ABCB6: variants seen among roughly 807,000 people sequenced by gnomAD.
ABCB6 encodes the protein ATP binding cassette subfamily B member 6 (LAN blood group), also known as ATP-binding cassette sub-family B member 6.
In ABCB6, 87 loss-of-function variants were observed where a neutral mutation model predicts 99.4. That is an observed-to-expected ratio of 0.88 (90% CI 0.74 to 1.05). ABCB6 has a LOEUF of 1.05. ABCB6 is among the 50% of genes least tolerant of loss of function. The probability of loss-of-function intolerance (pLI) is 0.00; values close to 1 mark genes in which losing one functional copy is unlikely to be tolerated. For synonymous variants in ABCB6, 482 were observed against 447.5 expected (o/e 1.08, Z -0.97); for missense variants, 1,050 against 1,097.9 (o/e 0.96, Z 0.62).
At position 219,216,505 on chromosome 2, in the gene ABCB6, G is replaced by A; in HGVS notation, c.869-40C>T. 1.9e-6 allele frequency: 3 copies of A among 1,602,018 alleles called. No individual in the cohort carries two copies. The highest frequency in any genetic ancestry group is 1.7e-6 in the Non-Finnish European group (2 of 1,170,560). Reference sequence around the variant, plus strand: ...AGTCAGAACCCACTTATGGCGCCCAGGACTCTCTTCAGGCAAAATGGCCCC... The same window carrying A: ...AGTCAGAACCCACTTATGGCGCCCAAGACTCTCTTCAGGCAAAATGGCCCC... On this transcript the variant is annotated intron_variant, in intron 3 of 18. Coordinates refer to ENST00000265316, the MANE Select transcript of ABCB6 (RefSeq NM_005689.4). This position sits in a 1 kb window ranked among gnomAD's most constrained non-coding sequence, Gnocchi z 4.2.
Position 219,210,225 on chromosome 2 carries a change from C to T in ABCB6, c.2420+5G>A, listed in dbSNP as rs1376018667. On this transcript the variant is annotated splice_donor_5th_base_variant and intron_variant, in intron 18 of 18. Transcript: ENST00000265316. ...ACCTGTCCTTTTGATCTATGTGTCT[C>T]TTACCGTCCCCTCTCCACGATGCAG... is the stretch of plus-strand genomic sequence containing the variant. The T allele has an allele frequency of 1.2e-6, 2 of 1,614,214 alleles. No homozygotes were observed. The highest frequency in any genetic ancestry group is 1.7e-6 in the Non-Finnish European group (2 of 1,180,040).
chr2:219,214,677 G>A, intron 6 of ABCB6, 179 bp from the exon 7 acceptor site: 1 of 636,770 alleles, frequency 1.6e-6, no homozygotes, highest in Non-Finnish European at 2.7e-6. Context: ...AAACGCTTTT[G>A]GTAAATGAAA....
chr2:219,213,124 GC>G, intron 12 of ABCB6, 59 bp from the exon 13 acceptor site: 1 of 1,605,352 alleles, frequency 6.2e-7, no homozygotes, highest in South Asian at 1.1e-5. Context: ...CTGCTAGTAG[GC>G]CCTGCCCCTC....
In ABCB6 at chr2:219,214,427, G is replaced by C. The variant is rs774835056; in HGVS notation, c.1348C>G (p.Arg450Gly). Reference sequence around the variant, plus strand: ...AGCAGAGAGTCCACTGCTCGTGCCCGGGTAGCGTTCTCCTGTGTGTTCATA... The same window carrying C: ...AGCAGAGAGTCCACTGCTCGTGCCCCGGTAGCGTTCTCCTGTGTGTTCATA... ...RAMNTQENATRARAVDSLLNF... is the reference protein window; with the variant it reads ...RAMNTQENATGARAVDSLLNF... Residue 450 changes from arginine to glycine, a missense_variant, in exon 7 of 19, where the codon CGG becomes GGG. Transcript: ENST00000265316. 15 of 1,614,152 alleles carry C rather than the reference G, an allele frequency of 9.3e-6. No homozygotes were observed. The highest frequency in any genetic ancestry group is 1.3e-5 in the Non-Finnish European group (15 of 1,180,010).
chr2:219,212,931 C>T, intron 13 of ABCB6, 77 bp downstream of exon 13: 1 of 1,515,702 alleles, frequency 6.6e-7, no homozygotes, highest in Non-Finnish European at 9.1e-7. Flanking sequence ...ACTCCACAGC[C>T]TGGGTCACAA....
chr2:219,215,299 G>C, intron 5 of ABCB6: 1 of 546,182 alleles, frequency 1.8e-6, no homozygotes, highest in South Asian at 2.3e-5. Flanking sequence ...TTCAGGCATG[G>C]AAGAAAAATA....
At chr2:219,210,184 GCCC>G (rs371161683) in intron 18 of ABCB6, 43 bp downstream of exon 18, 2 of 1,610,912 alleles carry the variant, frequency 1.2e-6, no homozygotes, top group African/African-American at 2.7e-5. Context: ...CTTTCCTGGA[GCCC>G]CCAATTCAGA....
Position 219,216,375 on chromosome 2 carries a change from G to A in ABCB6, c.959C>T (p.Thr320Ile). ...VFLKFLQGGGTGSTGFVSNLR... is the reference protein window; with the variant it reads ...VFLKFLQGGGIGSTGFVSNLR... ...GGAGTCTCTCATACCTGTACTGCCA[G>A]TGCCACCCCCCTGGAGGAACTTGAG... Residue 320 changes from threonine to isoleucine, a missense_variant, in exon 4 of 19, where the codon ACT (threonine) becomes ATT (isoleucine). Physicochemically the swap from Thr to Ile is moderately conservative, Grantham distance 89. Transcript: ENST00000265316. This position sits in a 1 kb window ranked among gnomAD's most constrained non-coding sequence, Gnocchi z 4.2. The A allele has an allele frequency of 6.2e-7, 1 of 1,614,002 alleles. No individual in the cohort carries two copies. The highest frequency in any genetic ancestry group is 8.5e-7 in the Non-Finnish European group (1 of 1,179,924).
chr2:219,211,075 C>T lies in ABCB6; in HGVS notation c.2002G>A (p.Val668Ile), dbSNP rs754700955. 1.2e-6 allele frequency: 2 copies of T among 1,614,186 alleles called. No individual in the cohort carries two copies. The highest frequency in any genetic ancestry group is 1.7e-6 in the Non-Finnish European group (2 of 1,180,034). The change falls in exon 15 of 19, where the codon GTT (valine) becomes ATT (isoleucine). Residue 668 changes from valine to isoleucine, a missense_variant. Coordinates refer to ENST00000265316, the MANE Select transcript of ABCB6 (RefSeq NM_005689.4). The part of the protein sequence containing the change: ...TQASLRSHIG[V>I]VPQDTVLFND... ...AAGAGGACAGTGTCTTGGGGCACAA[C>T]TCCAATGTGAGACCGGAGAGAGGCC... is the stretch of plus-strand genomic sequence containing the variant.
chr2:219,214,282 A>G, intron 7 of ABCB6, 96 bp from the exon 8 acceptor site: 1 of 1,492,428 alleles, frequency 6.7e-7, no homozygotes, highest in Non-Finnish European at 9.4e-7. Flanking sequence ...GAGTTCAAAC[A>G]TCACACACAA....
At chr2:219,215,235 A>G (rs1041698110) in intron 5 of ABCB6, 153 bp from the exon 6 acceptor site, 50 of 883,972 alleles carry the variant, frequency 5.7e-5, no homozygotes, top group Non-Finnish European at 6.9e-5. Context: ...GGCTAAATCA[A>G]CCATGCTCAA....
At position 219,209,957 on chromosome 2, in the gene ABCB6, G is replaced by A. The variant is rs375057553; in HGVS notation, c.2510C>T (p.Pro837Leu). ...CTTTTGTCACCGTTCCATGGTCTGA[G>A]GCTTAGTGTCTTCAGAGGTTTCTTC... ...GQEETSEDTKPQTMER is the reference protein window; with the variant it reads ...GQEETSEDTKLQTMER Residue 837 changes from proline (P) to leucine (L), a missense_variant, in exon 19 of 19, where the codon CCT (proline) becomes CTT (leucine). Physicochemically the swap from Pro to Leu is moderately conservative, Grantham distance 98 (BLOSUM62 -3). Transcript: ENST00000265316. 2.6e-5 allele frequency: 42 copies of A among 1,614,008 alleles called. No individual in the cohort carries two copies. Among genetic ancestry groups the A allele is most frequent in the Non-Finnish European group, 3.3e-5 (39 of 1,179,982 alleles).
rs1028723900 is a variant in ABCB6, at chr2:219,217,749, C to G, written c.608G>C (p.Gly203Ala). The G allele has an allele frequency of 4.3e-6, 7 of 1,613,890 alleles. No homozygotes were observed. Among genetic ancestry groups the G allele is most frequent in the Non-Finnish European group, 5.9e-6 (7 of 1,179,988 alleles). The part of the protein sequence containing the change: ...YVVSGGLFVL[G>A]LWAPGLRPQS... The stretch of plus-strand genomic sequence containing the variant: ...GGGACGAAGTCCAGGGGCCCAGAGA[C>G]CCAGGACAAACAGCCCTCCAGAGAC... Residue 203 changes from glycine to alanine, a missense_variant, in exon 2 of 19, where the codon GGT becomes GCT. By Grantham distance (60) the Gly-to-Ala change is moderately conservative (BLOSUM62 0). Transcript: ENST00000265316.
chr2:219,216,803 C>T lies in ABCB6; in HGVS notation c.717G>A (p.Trp239Ter), dbSNP rs148458820. 1.4e-4 allele frequency: 228 copies of T among 1,612,926 alleles called. No homozygotes were observed. Among genetic ancestry groups the T allele is most frequent in the Non-Finnish European group, 1.4e-4 (160 of 1,179,688 alleles). Residue 239 changes from tryptophan (W) to a stop codon, truncating the protein, a stop_gained, in exon 3 of 19, where the codon TGG (tryptophan) becomes TGA (stop). Coordinates refer to ENST00000265316, the MANE Select transcript of ABCB6 (RefSeq NM_005689.4). LOFTEE classifies it high-confidence loss of function. The surrounding 1 kb of genome is among the most constrained non-coding windows in gnomAD (Gnocchi z 4.2). ...GGCGGAGCTTCCTGCCAAAATCTCG[C>T]CAGGTAGACTGTTGGGCTGCTGACC... ...QVRSAAQQST[W>*]RDFGRKLRLL... is the part of the protein sequence containing the mutation.
In ABCB6 at chr2:219,214,405, A is replaced by G. The variant is rs369468310; in HGVS notation, c.1370T>C (p.Leu457Pro). 6 of 1,613,804 alleles carry G rather than the reference A, an allele frequency of 3.7e-6. No homozygotes were observed. The highest frequency in any genetic ancestry group is 1.7e-5 in the Admixed American group (1 of 59,992). ...CTCTGTTACCGTCTCGAAGTTTAGC[A>G]GAGAGTCCACTGCTCGTGCCCGGGT... ...NATRARAVDS[L>P]LNFETVKYYN... The change falls in exon 7 of 19, where the codon CTG (leucine) becomes CCG (proline). Residue 457 changes from leucine (L) to proline (P), a missense_variant. By Grantham distance (98) the Leu-to-Pro change is moderately conservative (BLOSUM62 -3). Transcript: ENST00000265316.
rs1950589413 is a variant in ABCB6 at position 219,212,387 on chromosome 2, C to T, written c.1968G>A (p.Gln656=). 5.6e-6 allele frequency: 9 copies of T among 1,613,874 alleles called. No individual in the cohort carries two copies. Among genetic ancestry groups the T allele is most frequent in the Non-Finnish European group, 7.6e-6 (9 of 1,179,764 alleles). ...ACCGTCTTCTCCAGAGCAACCCTAC[C>T]TGTGAAATGTCCTGCCCATCTATTC... is the stretch of plus-strand genomic sequence containing the variant. ...CIRIDGQDIS[Q]VTQASLRSHI... is the part of the protein sequence containing the mutation. Residue 656 remains glutamine (Q), a splice_region_variant and synonymous_variant, in exon 14 of 19, where the codon CAG becomes CAA. Coordinates refer to ENST00000265316, the MANE Select transcript of ABCB6 (RefSeq NM_005689.4).
In ABCB6 at chr2:219,210,964, T is replaced by C; in HGVS notation, c.2113A>G (p.Ile705Val). 1 of 1,614,204 alleles carries C rather than the reference T, an allele frequency of 6.2e-7. No homozygotes were observed. ...GGGAAAGCCATAATGGCATCATGGA[T>C]GCCTGCAGCCTGAGCAGCAGCCTCC... ...EVEAAAQAAG[I>V]HDAIMAFPEG... The change falls in exon 15 of 19, where the codon ATC becomes GTC. Residue 705 changes from isoleucine (I) to valine (V), a missense_variant. Ile to Val is a conservative substitution (Grantham distance 29). Transcript: ENST00000265316.
chr2:219,213,673 C>T lies in ABCB6; in HGVS notation c.1579-7G>A, dbSNP rs376713235. The T allele has an allele frequency of 1.9e-4, 313 of 1,614,108 alleles. 6 individuals are homozygous for T. Among genetic ancestry groups the T allele is most frequent in the South Asian group, 1.3e-3 (118 of 91,080 alleles). ...AGAGCACATAGTCCCCAACCTGTGG[C>T]AATCAAGGAAGCAGAGCATGTCACG... On this transcript the variant is annotated splice_polypyrimidine_tract_variant and splice_region_variant and intron_variant, in intron 9 of 18. Coordinates refer to ENST00000265316, the MANE Select transcript of ABCB6 (RefSeq NM_005689.4).
chr2:219,213,679 A>G lies in ABCB6; in HGVS notation c.1579-13T>C. ...CATAGTCCCCAACCTGTGGCAATCA[A>G]GGAAGCAGAGCATGTCACGGGGGGC... On this transcript the variant is annotated splice_polypyrimidine_tract_variant and intron_variant, in intron 9 of 18. Transcript: ENST00000265316. 1 of 1,614,122 alleles carries G rather than the reference A, an allele frequency of 6.2e-7. No homozygotes were observed. The highest frequency in any genetic ancestry group is 8.5e-7 in the Non-Finnish European group (1 of 1,180,026).
Sources: gnomAD v4.1 joint callset for allele counts on GRCh38, gnomAD v4.1.1 for gene constraint, Gnocchi (gnomAD v3.1) non-coding constraint, MANE v1.5 for transcripts, NCBI Gene and HGNC (gene_info 2026-07-23, HGNC 2026-07-21) for gene names.